The following TBC1D30 variants were observed in gnomAD, a reference collection of about 807,000 sequenced individuals.
The protein encoded by TBC1D30 is TBC1 domain family, member 30.
TBC1D30 carries 31 observed loss-of-function variants against 63.2 expected under a neutral mutation model. The observed-to-expected ratio is 0.49, with a 90% CI of 0.37 to 0.66. The LOEUF (loss-of-function observed/expected upper bound fraction) is 0.66, where lower values mean the gene tolerates loss of function less well. Among genes scored for constraint, TBC1D30 ranks in the 30% least tolerant of loss-of-function variants. The pLI, the probability that TBC1D30 is intolerant of heterozygous loss-of-function variation, is 0.00. For synonymous variants in TBC1D30, 307 were observed against 361.5 expected (o/e 0.85, Z 1.71); for missense variants, 810 against 953.6 (o/e 0.85, Z 1.98).
rs1200967958 is a variant in TBC1D30, at chr12:64,879,918, T to C, written c.*4130T>C. ...CCAGATATTTTAGAGTTGGAAGTTA[T>C]GCAGTAAAAGCTTTATGTGCAAATG... On this transcript the variant is annotated 3_prime_UTR_variant, in exon 12 of 12. Coordinates refer to ENST00000539867, the MANE Select transcript of TBC1D30 (RefSeq NM_015279.2). 6.6e-6 allele frequency: 1 copy of C among 152,214 alleles called. No individual in the cohort carries two copies. Among genetic ancestry groups the C allele is most frequent in the Admixed American group, 6.5e-5 (1 of 15,282 alleles). The allele number at this position is 152,214 out of a possible 1,614,324, so 9.4% of individuals were successfully genotyped here.
intron 8 of TBC1D30, among the ~76,000 whole-genome samples, chr12:64,844,725 CAATT>C (rs1876206408): frequency 6.6e-6 from 1 of 152,174 alleles, no homozygotes; most frequent in Non-Finnish European, 1.5e-5. Context: ...TCTATCAGTT[CAATT>C]GTTTTAATTT....
At chr12:64,852,917 G>A (rs1365729123) in intron 8 of TBC1D30, among the ~76,000 whole-genome samples, 1 of 152,176 alleles carries the variant, frequency 6.6e-6, no homozygotes, top group Non-Finnish European at 1.5e-5. Context: ...TCTATGAGGT[G>A]TCTGTTGACC....
At chr12:64,818,454 A>G (rs78107253) in intron 2 of TBC1D30, 12 of 834,786 alleles carry the variant, frequency 1.4e-5, no homozygotes, top group Non-Finnish European at 1.7e-5. Context: ...TTTTTTTTTT[A>G]GACAGTCTCG....
intron 8 of TBC1D30, among the ~76,000 whole-genome samples, chr12:64,856,036 G>A (rs1423507428): frequency 1.3e-5 from 2 of 152,156 alleles, no homozygotes; most frequent in Admixed American, 6.5e-5. Context: ...GTTCATGCAG[G>A]CTGTATAAGC....
At chr12:64,810,260 C>T (rs928379387) in intron 2 of TBC1D30, among the ~76,000 whole-genome samples, 1 of 152,188 alleles carries the variant, frequency 6.6e-6, no homozygotes, top group African/African-American at 2.4e-5. Context: ...GGGCCATTCT[C>T]CTTCTCCATG....
chr12:64,870,799 A>C lies in TBC1D30; in HGVS notation c.1489A>C (p.Ile497Leu), dbSNP rs1340741078. 6.5e-7 allele frequency: 1 copy of C among 1,536,094 alleles called. No homozygotes were observed. The highest frequency in any genetic ancestry group is 2.0e-5 in the Admixed American group (1 of 51,002). The change falls in exon 11 of 12, where the codon ATC (isoleucine) becomes CTC (leucine). Residue 497 changes from isoleucine (I) to leucine (L), a missense_variant. This residue lies in a region of TBC1D30 where 450 missense variants were observed against 473.0 expected (regional missense o/e 0.95). Transcript: ENST00000539867. ...ACAGCAGCAGGTTCATCAGGTGTACATCAGGGCAGGTAATGTGATTCTTCA... is the reference window on the plus strand; with the variant it reads ...ACAGCAGCAGGTTCATCAGGTGTACCTCAGGGCAGGTAATGTGATTCTTCA... Reference protein sequence around the residue: ...KQQQQVHQVYIRADKGPVTSI... With the variant: ...KQQQQVHQVYLRADKGPVTSI...
chr12:64,872,207 T>C (rs1241517039), intron 11 of TBC1D30, among the ~76,000 whole-genome samples: 1 of 152,186 alleles, frequency 6.6e-6, no homozygotes, highest in Non-Finnish European at 1.5e-5. Context: ...CTTGTATTTT[T>C]AGTAGAGACG....
intron 5 of TBC1D30, 32 bp from the exon 6 acceptor site, chr12:64,836,458 A>G (rs763100393): frequency 5.5e-5 from 83 of 1,505,776 alleles, no homozygotes; most frequent in Non-Finnish European, 7.1e-5. Flanking sequence ...GTTTTTACAA[A>G]GCAGTCTTAA....
chr12:64,865,120 C>T (rs900553667), intron 9 of TBC1D30, among the ~76,000 whole-genome samples: 1 of 151,112 alleles, frequency 6.6e-6, no homozygotes, highest in Non-Finnish European at 1.5e-5. Context: ...CAAAAATTGA[C>T]AATTGATAAA....
upstream of TBC1D30, among the ~76,000 whole-genome samples, chr12:64,775,555 G>A (rs1007165760): frequency 6.6e-6 from 1 of 152,104 alleles, no homozygotes; most frequent in Non-Finnish European, 1.5e-5. Context: ...AATGGTAAAG[G>A]GTTCAATTCA....
At chr12:64,818,318 A>G (rs1251909540) in intron 2 of TBC1D30, 4 of 838,562 alleles carry the variant, frequency 4.8e-6, no homozygotes, top group East Asian at 1.2e-4. Flanking sequence ...AAACATTGCA[A>G]CATATATAAT....
At chr12:64,761,878 T>G (rs1190154558) in intron 1 of TBC1D30, among the ~76,000 whole-genome samples, 1 of 152,212 alleles carries the variant, frequency 6.6e-6, no homozygotes, top group Non-Finnish European at 1.5e-5. Context: ...TTTCTTGATG[T>G]CTGGATCAGG....
At chr12:64,761,075 T>C (rs1870492709) in intron 1 of TBC1D30, among the ~76,000 whole-genome samples, 1 of 152,172 alleles carries the variant, frequency 6.6e-6, no homozygotes. Context: ...GGAAGTGTGG[T>C]CAGAGCAGTT....
intron 8 of TBC1D30, among the ~76,000 whole-genome samples, chr12:64,859,465 G>T (rs987023807): frequency 6.6e-6 from 1 of 152,146 alleles, no homozygotes; most frequent in Non-Finnish European, 1.5e-5. Flanking sequence ...CAACTCCACG[G>T]GCAGCTCTGT....
At chr12:64,861,878 C>A (rs939794496) in intron 8 of TBC1D30, among the ~76,000 whole-genome samples, 1 of 152,132 alleles carries the variant, frequency 6.6e-6, no homozygotes, top group Non-Finnish European at 1.5e-5. Flanking sequence ...TGCACCCACT[C>A]TGTTCACTTT....
At chr12:64,801,876 C>T (rs945948602) in intron 2 of TBC1D30, among the ~76,000 whole-genome samples, 2 of 152,088 alleles carry the variant, frequency 1.3e-5, no homozygotes, top group East Asian at 3.9e-4. Context: ...TTTATTTACC[C>T]AGTCTTAAAT....
chr12:64,830,328 A>C (rs1290184395), intron 3 of TBC1D30, 49 bp from the exon 4 acceptor site: 1 of 1,472,576 alleles, frequency 6.8e-7, no homozygotes, highest in Admixed American at 2.1e-5. Context: ...ATAAAGGTGA[A>C]GTTATATATT....
upstream of TBC1D30, among the ~76,000 whole-genome samples, chr12:64,776,717 C>T (rs1871091831): frequency 6.6e-6 from 1 of 151,966 alleles, no homozygotes; most frequent in Non-Finnish European, 1.5e-5. Flanking sequence ...GAAACTATTT[C>T]AAAAAGTTGA....
At chr12:64,792,312 C>G (rs1871971459) in intron 2 of TBC1D30, among the ~76,000 whole-genome samples, 1 of 152,160 alleles carries the variant, frequency 6.6e-6, no homozygotes, top group Non-Finnish European at 1.5e-5. Context: ...TAACCATTAC[C>G]TTGCTTTTCT....
Sources: gnomAD v4.1 joint callset for allele counts (sites outside exome capture counted in the v4.1 genomes callset) on GRCh38, gnomAD v4.1.1 for gene constraint, gnomAD v4.1.1 regional missense constraint, MANE v1.5 for transcripts, NCBI Gene and HGNC (gene_info 2026-07-23, HGNC 2026-07-21) for gene names.